Variants in LPP observed in about 807,000 individuals in gnomAD.
The protein encoded by LPP is LIM domain containing preferred translocation partner in lipoma, also known as lipoma-preferred partner.
Under a neutral mutation model 60.4 loss-of-function variants are expected in LPP, and 38 were observed. The observed-to-expected ratio is 0.63, with a 90% CI of 0.49 to 0.83. The LOEUF (loss-of-function observed/expected upper bound fraction) is 0.83, where lower values mean the gene tolerates loss of function less well. Ranked by LOEUF, LPP falls within the 40% of genes least tolerant of loss-of-function variation. The pLI is 0.00. For synonymous variants in LPP, 328 were observed against 290.8 expected (o/e 1.13, Z -1.30); for missense variants, 902 against 783.6 (o/e 1.15, Z -1.80).
In LPP at chr3:188,888,012, G is replaced by A; in HGVS notation, c.*13533G>A. ...ATGACACTTGATTGTCTGATTATTT[G>A]GCATGTATAAAATTATCATGTGGCT... On this transcript the variant is annotated 3_prime_UTR_variant, in exon 12 of 12. Coordinates refer to ENST00000617246, the MANE Select transcript of LPP (RefSeq NM_001375462.1). The A allele has an allele frequency of 4.7e-6, 1 of 213,036 alleles. No individual in the cohort carries two copies. The highest frequency in any genetic ancestry group is 7.0e-5 in the East Asian group (1 of 14,216). The allele number at this position is 213,036 out of a possible 1,614,324, so 13.2% of individuals were successfully genotyped here. A position where few individuals can be genotyped will look rare whatever the true frequency, so the allele number is the denominator to read the frequency against.
chr3:188,406,376 T>C lies in LPP; in HGVS notation c.193+63T>C, dbSNP rs1268618601. ...GGAAAATTCAGTTATATAGGTGATT[T>C]GTAGTACAAAGTTGTGTCAGAAAAA... is the stretch of plus-strand genomic sequence containing the variant. On this transcript the variant is annotated intron_variant, in intron 4 of 11. Coordinates refer to ENST00000617246, the MANE Select transcript of LPP (RefSeq NM_001375462.1). 7 of 1,431,062 alleles carry C rather than the reference T, an allele frequency of 4.9e-6. No individual in the cohort carries two copies. The East Asian group carries it at 1.4e-4, about 28-fold the overall frequency. The allele number at this position is 1,431,062 out of a possible 1,614,324, so 88.6% of individuals were successfully genotyped here. A position where few individuals can be genotyped will look rare whatever the true frequency, so the allele number is the denominator to read the frequency against.
rs144944021 is a variant in LPP, at chr3:188,309,132, T to A, written c.-66-32531T>A. On this transcript the variant is annotated intron_variant, in intron 2 of 11. Coordinates refer to ENST00000617246, the MANE Select transcript of LPP (RefSeq NM_001375462.1). ...GCCTCCCAGGTTCAAGCGATTCTCC[T>A]GCCTTAGCCTCCTCAGTATCTGGGA... Among the ~76,000 whole-genome samples the A allele has an allele frequency of 4.7e-3, 711 of 151,114 alleles. 5 individuals are homozygous for A. The highest frequency in any genetic ancestry group is 0.023 in the South Asian group (109 of 4,746).
chr3:188,362,747 A>G (rs555856632), intron 3 of LPP, among the ~76,000 whole-genome samples: 1 of 152,312 alleles, frequency 6.6e-6, no homozygotes, highest in South Asian at 2.1e-4. Context: ...ACTGCGGAAG[A>G]AAATAAATCG....
At chr3:188,393,990 G>GT (rs1780309084) in intron 3 of LPP, among the ~76,000 whole-genome samples, 1 of 152,082 alleles carries the variant, frequency 6.6e-6, no homozygotes, top group Non-Finnish European at 1.5e-5. Flanking sequence ...CCCTGTAATG[G>GT]TTTTATTAAT....
At chr3:188,412,309 T>C (rs1785101920) in intron 4 of LPP, among the ~76,000 whole-genome samples, 1 of 152,154 alleles carries the variant, frequency 6.6e-6, no homozygotes, top group African/African-American at 2.4e-5. Flanking sequence ...AAGACAAATA[T>C]TGGGAACGGT....
intron 9 of LPP, among the ~76,000 whole-genome samples, chr3:188,792,063 T>C (rs1743943137): frequency 6.6e-6 from 1 of 152,168 alleles, no homozygotes; most frequent in African/African-American, 2.4e-5. Context: ...CTGTTTTTGC[T>C]GCTATACCAG....
At chr3:188,430,932 G>T (rs1213201893) in intron 4 of LPP, among the ~76,000 whole-genome samples, 1 of 151,068 alleles carries the variant, frequency 6.6e-6, no homozygotes, top group Non-Finnish European at 1.5e-5. Flanking sequence ...TTTTTCTTTA[G>T]GATTTCTTGG....
intron 9 of LPP, among the ~76,000 whole-genome samples, chr3:188,812,984 G>T (rs1465172683): frequency 1.3e-5 from 2 of 151,968 alleles, no homozygotes; most frequent in African/African-American, 2.4e-5. Flanking sequence ...ACTAATAAAA[G>T]GATTGATCAG....
intron 3 of LPP, among the ~76,000 whole-genome samples, chr3:188,391,460 G>A (rs1168884416): frequency 1.3e-5 from 2 of 152,122 alleles, no homozygotes; most frequent in East Asian, 1.9e-4. Context: ...TAAGGATCTT[G>A]AGGGAGTTTG....
chr3:188,665,654 G>A (rs1046257912), intron 7 of LPP, among the ~76,000 whole-genome samples: 5 of 151,802 alleles, frequency 3.3e-5, no homozygotes, highest in African/African-American at 1.2e-4. Context: ...GTAGAGTTGG[G>A]GTTTCACCAT....
intron 2 of LPP, among the ~76,000 whole-genome samples, chr3:188,313,963 T>C (rs1413024552): frequency 6.6e-6 from 1 of 152,218 alleles, no homozygotes; most frequent in Non-Finnish European, 1.5e-5. Flanking sequence ...TTTCAGTACA[T>C]TGATTTTCTG....
chr3:188,394,199 G>A (rs1339752241), intron 3 of LPP, among the ~76,000 whole-genome samples: 3 of 152,200 alleles, frequency 2.0e-5, no homozygotes, highest in African/African-American at 7.2e-5. Flanking sequence ...TGTAAACTGA[G>A]TGGGAAACAA....
intron 1 of LPP, among the ~76,000 whole-genome samples, chr3:188,184,597 G>A (rs1335020988): frequency 6.6e-6 from 1 of 152,048 alleles, no homozygotes; most frequent in Non-Finnish European, 1.5e-5. Flanking sequence ...GGAAAAGCAG[G>A]TCGGACCCTA....
intron 3 of LPP, among the ~76,000 whole-genome samples, chr3:188,349,213 A>T (rs1378771438): frequency 6.6e-6 from 1 of 152,188 alleles, no homozygotes; most frequent in Non-Finnish European, 1.5e-5. Context: ...AAAAAGCCTG[A>T]GTTGAAAGCC....
At chr3:188,618,984 T>C (rs1020861679) in intron 7 of LPP, among the ~76,000 whole-genome samples, 29 of 152,152 alleles carry the variant, frequency 1.9e-4, no homozygotes, top group African/African-American at 4.8e-5. Context: ...ATAGATGATA[T>C]TAGTAGGTTT....
chr3:188,209,029 A>C (rs1479022880), intron 1 of LPP, among the ~76,000 whole-genome samples: 1 of 152,202 alleles, frequency 6.6e-6, no homozygotes, highest in Non-Finnish European at 1.5e-5. Context: ...TCTGAGATAT[A>C]AGCAGAGCGC....
At chr3:188,253,052 C>A (rs970858541) in intron 2 of LPP, among the ~76,000 whole-genome samples, 57 of 149,574 alleles carry the variant, frequency 3.8e-4, no homozygotes, top group African/African-American at 1.3e-3. Context: ...TGATTACAGG[C>A]GTGAGCCACT....
chr3:188,759,493 A>G (rs183533192), intron 8 of LPP: 1 of 152,598 alleles, frequency 6.6e-6, no homozygotes, highest in East Asian at 1.9e-4. Flanking sequence ...CAGAACTAGA[A>G]CCATGGGGTA....
chr3:188,804,246 T>TAC (rs1212403115), intron 9 of LPP, among the ~76,000 whole-genome samples: 1 of 55,620 alleles, frequency 1.8e-5, no homozygotes, highest in African/African-American at 6.5e-5. Flanking sequence ...TGCATCTTTA[T>TAC]ATATATATAT....
Sources: gnomAD v4.1 joint callset for allele counts (sites outside exome capture counted in the v4.1 genomes callset) on GRCh38, gnomAD v4.1.1 for gene constraint, MANE v1.5 for transcripts, NCBI Gene and HGNC (gene_info 2026-07-23, HGNC 2026-07-21) for gene names.